ROR1: variants seen among roughly 807,000 people sequenced by gnomAD.
ROR1 encodes inactive tyrosine-protein kinase transmembrane receptor ROR1.
In ROR1, 19 loss-of-function variants were observed where a neutral mutation model predicts 78.8. That is an observed-to-expected ratio of 0.24 (90% CI 0.17 to 0.35). The LOEUF is 0.35. Ranked by LOEUF, ROR1 falls within the 10% of genes least tolerant of loss-of-function variation. The probability of loss-of-function intolerance (pLI) is 1.00; values close to 1 mark genes in which losing one functional copy is unlikely to be tolerated. For missense variants in ROR1, 917 were observed against 1,177.8 expected (o/e 0.78, Z 3.24); for synonymous variants, 386 against 433.6 (o/e 0.89, Z 1.36).
In ROR1 at chr1:63,954,868, A is replaced by T. The variant is rs371419613; in HGVS notation, c.92-54437A>T. Among the ~76,000 whole-genome samples, 3 of 152,310 alleles carry T rather than the reference A, an allele frequency of 2.0e-5. No individual in the cohort carries two copies. In the East Asian group the frequency reaches 5.8e-4, roughly 29 times the overall value. On this transcript the variant is annotated intron_variant, in intron 1 of 8. Transcript: ENST00000371079. Reference sequence around the variant, plus strand: ...GGGGTCCTGGAACCAATCCCCCAAGATACCAAGGGACGACTGTAATTAGTT... The same window carrying T: ...GGGGTCCTGGAACCAATCCCCCAAGTTACCAAGGGACGACTGTAATTAGTT...
At chr1:64,156,568 G>A (rs567416505) in intron 7 of ROR1, among the ~76,000 whole-genome samples, 15 of 152,158 alleles carry the variant, frequency 9.9e-5, no homozygotes, top group Admixed American at 3.3e-4. Flanking sequence ...TTAGCTGGGC[G>A]TGGTGGCACG....
intron 1 of ROR1, among the ~76,000 whole-genome samples, chr1:63,853,051 C>G (rs531595996): frequency 1.2e-4 from 18 of 152,278 alleles, no homozygotes; most frequent in Non-Finnish European, 2.4e-4. Flanking sequence ...GTATCATTAT[C>G]AGTACCTGGC....
chr1:63,925,584 G>A (rs1192038929), intron 1 of ROR1, among the ~76,000 whole-genome samples: 9 of 151,896 alleles, frequency 5.9e-5, no homozygotes, highest in Non-Finnish European at 7.4e-5. Flanking sequence ...CTGAGGAATC[G>A]CCACACTGAC....
chr1:63,794,827 G>T (rs1381369042), intron 1 of ROR1, among the ~76,000 whole-genome samples: 3 of 152,218 alleles, frequency 2.0e-5, no homozygotes, highest in Admixed American at 2.0e-4. Context: ...GCCCGGGACT[G>T]TGCTGGGATA....
At chr1:64,172,222 A>G (rs1286882409) in intron 8 of ROR1, among the ~76,000 whole-genome samples, 1 of 152,230 alleles carries the variant, frequency 6.6e-6, no homozygotes, top group African/African-American at 2.4e-5. Flanking sequence ...TCAGCAGTTT[A>G]GAAAGTACTA....
chr1:64,138,007 G>C (rs1649174570), intron 5 of ROR1, among the ~76,000 whole-genome samples: 1 of 152,126 alleles, frequency 6.6e-6, no homozygotes, highest in Admixed American at 6.5e-5. Context: ...ATGACCATTG[G>C]TCTCTTCTTG....
At chr1:63,914,440 G>C (rs908077559) in intron 1 of ROR1, among the ~76,000 whole-genome samples, 1 of 152,166 alleles carries the variant, frequency 6.6e-6, no homozygotes, top group East Asian at 1.9e-4. Flanking sequence ...GCAGGGTGCT[G>C]CTGAGTTCAG....
Position 64,071,900 on chromosome 1 carries a change from T to C in ROR1, c.482+21184T>C, listed in dbSNP as rs148311506. ...AGCCAATAAGGAGGGTGTTCTCTCC[T>C]CTCTCTCAGTTGCCAGAGCTCAGCC... is the stretch of plus-strand genomic sequence containing the variant. On this transcript the variant is annotated intron_variant, in intron 4 of 8. Transcript: ENST00000371079. 1.7e-3 allele frequency among the ~76,000 whole-genome samples: 257 copies of C among 152,210 alleles called. 2 individuals are homozygous for C. The highest frequency in any genetic ancestry group is 5.8e-3 in the African/African-American group (240 of 41,546).
intron 1 of ROR1, among the ~76,000 whole-genome samples, chr1:63,946,876 C>T (rs1014976331): frequency 6.6e-6 from 1 of 152,192 alleles, no homozygotes; most frequent in African/African-American, 2.4e-5. Context: ...GATACCACCA[C>T]ATGCCTGGCT....
chr1:63,967,275 A>G (rs987828248), intron 1 of ROR1, among the ~76,000 whole-genome samples: 3 of 152,312 alleles, frequency 2.0e-5, no homozygotes, highest in South Asian at 2.1e-4. Flanking sequence ...TGGAGAAATG[A>G]CATCATGAGA....
At chr1:63,834,252 T>C (rs1645006788) in intron 1 of ROR1, among the ~76,000 whole-genome samples, 1 of 152,032 alleles carries the variant, frequency 6.6e-6, no homozygotes. Flanking sequence ...AGTGGGTTAC[T>C]CTGAGCCTGC....
chr1:64,093,921 G>A (rs1647231162), intron 4 of ROR1, among the ~76,000 whole-genome samples: 1 of 152,130 alleles, frequency 6.6e-6, no homozygotes, highest in South Asian at 2.1e-4. Context: ...TTTACAAGGT[G>A]GGCATTATTA....
intron 1 of ROR1, among the ~76,000 whole-genome samples, chr1:63,997,754 C>G (rs1382190470): frequency 3.3e-5 from 5 of 151,838 alleles, no homozygotes; most frequent in Non-Finnish European, 7.4e-5. Flanking sequence ...AACATGCTCC[C>G]CAGCTGAGTT....
intron 4 of ROR1, among the ~76,000 whole-genome samples, chr1:64,128,319 A>AT (rs1648789819): frequency 1.3e-5 from 2 of 151,624 alleles, no homozygotes; most frequent in Non-Finnish European, 2.9e-5. Context: ...AAGTAAAAAA[A>AT]CTAGCCAAGC....
intron 8 of ROR1, among the ~76,000 whole-genome samples, chr1:64,163,311 G>A (rs1433505536): frequency 2.6e-5 from 4 of 151,810 alleles, no homozygotes. Flanking sequence ...AGAGCTACTC[G>A]GGAGGCTGAG....
At chr1:63,936,132 A>C (rs2100450561) in intron 1 of ROR1, among the ~76,000 whole-genome samples, 1 of 152,328 alleles carries the variant, frequency 6.6e-6, no homozygotes, top group South Asian at 2.1e-4. Context: ...CTTCAGCCTT[A>C]CCATTAGTTG....
intron 1 of ROR1, among the ~76,000 whole-genome samples, chr1:63,900,512 T>C (rs962068248): frequency 3.3e-5 from 5 of 151,134 alleles, no homozygotes; most frequent in African/African-American, 4.9e-5. Context: ...GGGCATCTGG[T>C]AACCATGTAT....
At chr1:63,852,331 A>C (rs1177339086) in intron 1 of ROR1, among the ~76,000 whole-genome samples, 1 of 152,224 alleles carries the variant, frequency 6.6e-6, no homozygotes, top group African/African-American at 2.4e-5. Flanking sequence ...AGCTGAAAGC[A>C]GCCCCCTGCA....
At chr1:63,926,224 T>C (rs1443256842) in intron 1 of ROR1, among the ~76,000 whole-genome samples, 247 of 149,926 alleles carry the variant, frequency 1.6e-3, no homozygotes, top group Non-Finnish European at 1.5e-3. Flanking sequence ...GTTTCAGCTT[T>C]CTACATATGG....
Sources: gnomAD v4.1 joint callset for allele counts (sites outside exome capture counted in the v4.1 genomes callset) on GRCh38, gnomAD v4.1.1 for gene constraint, MANE v1.5 for transcripts, NCBI Gene and HGNC (gene_info 2026-07-23, HGNC 2026-07-21) for gene names.